Variants in CADM2 observed in about 807,000 individuals in gnomAD.
The protein encoded by CADM2 is cell adhesion molecule 2.
CADM2 carries 12 observed loss-of-function variants against 49.8 expected under a neutral mutation model. That is an observed-to-expected ratio of 0.24 (90% CI 0.15 to 0.39). The LOEUF (loss-of-function observed/expected upper bound fraction) is 0.39. CADM2 is among the 10% of genes least tolerant of loss of function. The pLI is 1.00. For missense variants in CADM2, 378 were observed against 492.3 expected, an observed-to-expected ratio of 0.77 and a Z score of 2.20; for synonymous variants, 214 against 175.4, an observed-to-expected ratio of 1.22 and a Z score of -1.74.
intron 1 of CADM2, among the ~76,000 whole-genome samples, chr3:85,722,885 A>T (rs2067559401): frequency 6.6e-6 from 1 of 152,156 alleles, no homozygotes; most frequent in Non-Finnish European, 1.5e-5. Flanking sequence ...TTAGACAGAG[A>T]TACATCTTCC....
intron 1 of CADM2, among the ~76,000 whole-genome samples, chr3:85,245,403 T>C (rs1363688221): frequency 6.6e-6 from 1 of 151,798 alleles, no homozygotes; most frequent in Non-Finnish European, 1.5e-5. Context: ...TACCAGCTAC[T>C]TGGGAGGCTG....
chr3:85,726,557 C>T lies in CADM2; in HGVS notation c.88+9C>T, dbSNP rs758094984. On this transcript the variant is annotated intron_variant, in intron 2 of 9. Coordinates refer to ENST00000383699, the MANE Select transcript of CADM2 (RefSeq NM_001167675.2). ...AAAGAATAAAGTTAAAGGTGAGCTC[C>T]TGTTTATTCTGCATGAGTCATCATC... is the stretch of plus-strand genomic sequence containing the variant. 1.1e-5 allele frequency: 18 copies of T among 1,607,056 alleles called. No homozygotes were observed. In the Admixed American group the frequency reaches 2.7e-4, roughly 24 times the overall value.
intron 2 of CADM2, among the ~76,000 whole-genome samples, chr3:85,785,887 A>T (rs564097115): frequency 6.6e-6 from 1 of 152,264 alleles, no homozygotes; most frequent in African/African-American, 2.4e-5. Flanking sequence ...GCCTGCAGGC[A>T]CTTAGCCTAG....
chr3:85,659,692 C>G (rs577330658), intron 1 of CADM2, among the ~76,000 whole-genome samples: 1 of 152,220 alleles, frequency 6.6e-6, no homozygotes, highest in South Asian at 2.1e-4. Context: ...TGACAGCTCT[C>G]AGAAGCATTG....
At chr3:85,610,464 G>A (rs947174165) in intron 1 of CADM2, among the ~76,000 whole-genome samples, 2 of 151,888 alleles carry the variant, frequency 1.3e-5, no homozygotes, top group Non-Finnish European at 2.9e-5. Flanking sequence ...CCAGGATAAT[G>A]AGTGAAAATG....
At chr3:85,925,424 G>A (rs994492236) in intron 6 of CADM2, among the ~76,000 whole-genome samples, 12 of 152,036 alleles carry the variant, frequency 7.9e-5, no homozygotes, top group Non-Finnish European at 5.9e-5. Context: ...GAAAAGTACC[G>A]GATAATTTTC....
chr3:85,619,065 T>C (rs936320902), intron 1 of CADM2, among the ~76,000 whole-genome samples: 1 of 151,212 alleles, frequency 6.6e-6, no homozygotes, highest in Non-Finnish European at 1.5e-5. Flanking sequence ...ACCCAGAAAT[T>C]AAAACACAGT....
At chr3:84,992,628 A>T (rs978427707) in intron 1 of CADM2, among the ~76,000 whole-genome samples, 1 of 152,154 alleles carries the variant, frequency 6.6e-6, no homozygotes, top group Non-Finnish European at 1.5e-5. Flanking sequence ...ACTCCTTCTC[A>T]ACAACAACAC....
At chr3:85,366,255 G>A (rs2032775362) in intron 1 of CADM2, among the ~76,000 whole-genome samples, 1 of 152,072 alleles carries the variant, frequency 6.6e-6, no homozygotes, top group African/African-American at 2.4e-5. Context: ...GATGATTGAG[G>A]CATTGCCAAC....
chr3:85,123,119 A>T (rs1428695752), intron 1 of CADM2, among the ~76,000 whole-genome samples: 3 of 152,016 alleles, frequency 2.0e-5, no homozygotes, highest in Admixed American at 6.6e-5. Flanking sequence ...TTTTTTTCCC[A>T]TGCTGTTTTT....
chr3:85,654,703 T>G (rs991009196), intron 1 of CADM2, among the ~76,000 whole-genome samples: 5 of 152,184 alleles, frequency 3.3e-5, no homozygotes, highest in African/African-American at 1.2e-4. Context: ...CTCTAATTGT[T>G]CTTTTTCCCC....
chr3:85,660,457 C>T (rs1446985807), intron 1 of CADM2, among the ~76,000 whole-genome samples: 23 of 147,590 alleles, frequency 1.6e-4, no homozygotes, highest in African/African-American at 4.7e-4. Context: ...TTTTTTTTAG[C>T]TCAAAATGAA....
chr3:85,753,173 C>T (rs1281405972), intron 2 of CADM2, among the ~76,000 whole-genome samples: 3 of 151,930 alleles, frequency 2.0e-5, no homozygotes. Flanking sequence ...ATGTATGGTT[C>T]GTATCTAATA....
At chr3:85,598,117 A>G (rs939475680) in intron 1 of CADM2, among the ~76,000 whole-genome samples, 3 of 152,002 alleles carry the variant, frequency 2.0e-5, no homozygotes, top group Non-Finnish European at 4.4e-5. Flanking sequence ...ACGGTGGTAA[A>G]TATTTGTCAT....
chr3:85,598,795 A>G (rs924842748), intron 1 of CADM2, among the ~76,000 whole-genome samples: 1 of 151,828 alleles, frequency 6.6e-6, no homozygotes, highest in Non-Finnish European at 1.5e-5. Context: ...GCCATTCTCT[A>G]TATTTATCTA....
intron 1 of CADM2, among the ~76,000 whole-genome samples, chr3:85,381,585 T>G (rs1022312852): frequency 1.5e-5 from 1 of 64,808 alleles, no homozygotes; most frequent in Non-Finnish European, 4.2e-5. Context: ...ATGTAGCCAT[T>G]CCTTATTTTT....
chr3:85,738,912 G>A (rs2068258453), intron 2 of CADM2, among the ~76,000 whole-genome samples: 1 of 152,042 alleles, frequency 6.6e-6, no homozygotes, highest in South Asian at 2.1e-4. Flanking sequence ...GAGTTTATGT[G>A]TAAGGCCCTA....
chr3:85,065,088 A>T (rs1156816292), intron 1 of CADM2, among the ~76,000 whole-genome samples: 14 of 152,114 alleles, frequency 9.2e-5, no homozygotes, highest in African/African-American at 3.4e-4. Flanking sequence ...TTTTTAATAG[A>T]TAATACTAAT....
chr3:85,107,612 TC>T (rs2038286955), intron 1 of CADM2, among the ~76,000 whole-genome samples: 1 of 138,568 alleles, frequency 7.2e-6, no homozygotes, highest in Non-Finnish European at 1.7e-5. Flanking sequence ...TCTTTCTTTT[TC>T]TTTCTTTCTT....
Sources: allele counts gnomAD v4.1 joint callset (sites outside exome capture counted in the v4.1 genomes callset), GRCh38; gene constraint gnomAD v4.1.1; transcripts MANE v1.5; gene names NCBI Gene and HGNC (gene_info 2026-07-23, HGNC 2026-07-21).